Variants in SRBD1 observed in about 807,000 individuals in gnomAD.
SRBD1 encodes the protein S1 RNA binding domain 1, also known as S1 RNA-binding domain-containing protein 1.
In SRBD1, 88 loss-of-function variants were observed where a neutral mutation model predicts 115.3. The ratio of observed to expected loss-of-function variants is 0.76; its 90% CI spans 0.64 to 0.91. The LOEUF (loss-of-function observed/expected upper bound fraction) is 0.91. SRBD1 is among the 40% of genes least tolerant of loss of function. The pLI is 0.00. For synonymous variants in SRBD1, 509 were observed against 407.7 expected (o/e 1.25, Z -2.99); for missense variants, 1,385 against 1,177.4 (o/e 1.18, Z -2.58).
At chr2:45,544,494 A>G (rs1672046404) in intron 14 of SRBD1, among the ~76,000 whole-genome samples, 1 of 152,188 alleles carries the variant, frequency 6.6e-6, no homozygotes, top group African/African-American at 2.4e-5. Flanking sequence ...TCGTCTCTAT[A>G]GCCCACATAC....
chr2:45,598,527 T>C (rs1046352100), intron 4 of SRBD1, among the ~76,000 whole-genome samples: 7 of 150,550 alleles, frequency 4.6e-5, no homozygotes, highest in Admixed American at 2.0e-4. Context: ...GGCAGGAGAA[T>C]GGCATGAACC....
At chr2:45,571,119 G>C (rs1672992686) in intron 9 of SRBD1, among the ~76,000 whole-genome samples, 1 of 152,108 alleles carries the variant, frequency 6.6e-6, no homozygotes, top group African/African-American at 2.4e-5. Flanking sequence ...ACCTCTAGAT[G>C]AACTTTGGGC....
intron 14 of SRBD1, among the ~76,000 whole-genome samples, chr2:45,515,025 G>A (rs1210123800): frequency 1.3e-5 from 2 of 152,040 alleles, no homozygotes; most frequent in African/African-American, 4.8e-5. Flanking sequence ...TATTTCATAA[G>A]AAAACATAAC....
chr2:45,475,321 A>C (rs1031221633), intron 16 of SRBD1, among the ~76,000 whole-genome samples: 1 of 152,196 alleles, frequency 6.6e-6, no homozygotes, highest in Non-Finnish European at 1.5e-5. Flanking sequence ...GGGCTAGTAC[A>C]AGAGCCTCCT....
At chr2:45,442,121 G>A (rs1196411070) in intron 16 of SRBD1, among the ~76,000 whole-genome samples, 1 of 152,170 alleles carries the variant, frequency 6.6e-6, no homozygotes, top group Non-Finnish European at 1.5e-5. Flanking sequence ...AAGAAGCTGG[G>A]AGATTTAGAA....
At chr2:45,440,917 T>A (rs1668651428) in intron 16 of SRBD1, among the ~76,000 whole-genome samples, 1 of 152,038 alleles carries the variant, frequency 6.6e-6, no homozygotes, top group Admixed American at 6.6e-5. Flanking sequence ...GAGACAGAGG[T>A]TGGAGAAAAA....
At chr2:45,587,836 G>A (rs1370751898) in intron 4 of SRBD1, among the ~76,000 whole-genome samples, 1 of 152,092 alleles carries the variant, frequency 6.6e-6, no homozygotes, top group African/African-American at 2.4e-5. Flanking sequence ...CATTCTCTTG[G>A]AAATCTAATG....
chr2:45,482,568 C>T (rs1165492375), intron 15 of SRBD1, among the ~76,000 whole-genome samples: 2 of 149,892 alleles, frequency 1.3e-5, no homozygotes, highest in Non-Finnish European at 1.5e-5. Context: ...GTAATAAAAA[C>T]AATAAAAACA....
At chr2:45,592,660 T>C (rs898244397) in intron 4 of SRBD1, among the ~76,000 whole-genome samples, 7 of 152,188 alleles carry the variant, frequency 4.6e-5, no homozygotes, top group Non-Finnish European at 1.0e-4. Flanking sequence ...CATCAGTAAC[T>C]TGGATACCTT....
intron 19 of SRBD1, among the ~76,000 whole-genome samples, chr2:45,412,657 CAT>C (rs1277790949): frequency 1.3e-5 from 2 of 152,120 alleles, no homozygotes; most frequent in Non-Finnish European, 2.9e-5. Context: ...AAACTTCCCC[CAT>C]GTCATTCTGT....
At chr2:45,476,775 A>G (rs1010938565) in intron 16 of SRBD1, among the ~76,000 whole-genome samples, 2 of 152,236 alleles carry the variant, frequency 1.3e-5, no homozygotes, top group African/African-American at 4.8e-5. Context: ...ATCTGACCAC[A>G]GTCAATTCTA....
At chr2:45,573,423 CA>C (rs1404409052) in intron 8 of SRBD1, 81 bp from the exon 9 acceptor site, 7 of 1,450,790 alleles carry the variant, frequency 4.8e-6, no homozygotes, top group Non-Finnish European at 6.3e-6. Context: ...ATAAGGATAG[CA>C]AAAAAAGTTA....
intron 16 of SRBD1, among the ~76,000 whole-genome samples, chr2:45,422,167 T>A (rs1668026546): frequency 6.6e-6 from 1 of 152,146 alleles, no homozygotes; most frequent in Non-Finnish European, 1.5e-5. Context: ...GCCATTAGAA[T>A]AAGGGAAACA....
At chr2:45,545,384 G>A (rs1476365549) in intron 14 of SRBD1, among the ~76,000 whole-genome samples, 2 of 145,584 alleles carry the variant, frequency 1.4e-5, no homozygotes, top group Admixed American at 7.0e-5. Context: ...ACTGCCTAAA[G>A]TTCAATAAAG....
intron 15 of SRBD1, among the ~76,000 whole-genome samples, chr2:45,481,285 G>A (rs959345397): frequency 1.3e-5 from 2 of 151,978 alleles, no homozygotes; most frequent in Admixed American, 6.6e-5. Context: ...CTTTCCTGCC[G>A]GCAAGATAAT....
At chr2:45,532,428 G>A (rs1671641508) in intron 14 of SRBD1, among the ~76,000 whole-genome samples, 1 of 151,792 alleles carries the variant, frequency 6.6e-6, no homozygotes, top group Admixed American at 6.6e-5. Context: ...CCAAGGTCAC[G>A]TCTAGAATTA....
intron 16 of SRBD1, among the ~76,000 whole-genome samples, chr2:45,458,341 T>A (rs779985117): frequency 2.6e-5 from 4 of 152,090 alleles, no homozygotes; most frequent in Non-Finnish European, 5.9e-5. Flanking sequence ...TTCTGGCTTG[T>A]TTTCCTAAAA....
intron 4 of SRBD1, among the ~76,000 whole-genome samples, chr2:45,593,553 C>T (rs1673790570): frequency 6.6e-6 from 1 of 152,182 alleles, no homozygotes; most frequent in African/African-American, 2.4e-5. Flanking sequence ...AAGGAAATTG[C>T]TATTTCCTCA....
At chr2:45,528,540 T>TA (rs1218080143) in intron 14 of SRBD1, among the ~76,000 whole-genome samples, 2 of 151,808 alleles carry the variant, frequency 1.3e-5, no homozygotes, top group Non-Finnish European at 1.5e-5. Flanking sequence ...AGCAAAAAGC[T>TA]AAATTTGGTT....
Sources: gnomAD v4.1 joint callset for allele counts (sites outside exome capture counted in the v4.1 genomes callset) on GRCh38, gnomAD v4.1.1 for gene constraint, MANE v1.5 for transcripts, NCBI Gene and HGNC (gene_info 2026-07-23, HGNC 2026-07-21) for gene names.